Variants in PITPNM2 observed in about 807,000 individuals in gnomAD.
PITPNM2 encodes the protein membrane-associated phosphatidylinositol transfer protein 2.
In PITPNM2, 35 loss-of-function variants were observed where a neutral mutation model predicts 132.2. The ratio of observed to expected loss-of-function variants is 0.26; its 90% CI spans 0.20 to 0.35. The LOEUF (loss-of-function observed/expected upper bound fraction) is 0.35, where lower values mean the gene tolerates loss of function less well. PITPNM2 is among the 10% of genes least tolerant of loss of function. The pLI is 1.00. For synonymous variants in PITPNM2, 738 were observed against 799.2 expected (o/e 0.92, Z 1.29); for missense variants, 1,332 against 1,912.0 (o/e 0.70, Z 5.66).
At position 123,135,446 on chromosome 12, in the gene PITPNM2, G is replaced by T. The variant is rs576855484; in HGVS notation, c.-200+15307C>A. 6.6e-5 allele frequency among the ~76,000 whole-genome samples: 10 copies of T among 152,002 alleles called. No homozygotes were observed. The East Asian group carries it at 1.9e-3, about 29-fold the overall frequency. ...TATTGTTGACTATAAGTACAATGTT[G>T]TATAGCAGATCTCTAGAGCTTATTC... On this transcript the variant is annotated intron_variant, in intron 1 of 25. Transcript: ENST00000320201.
chr12:122,995,791 C>G, intron 13 of PITPNM2, 131 bp from the exon 14 acceptor site: 6 of 1,269,250 alleles, frequency 4.7e-6, no homozygotes, highest in Non-Finnish European at 6.3e-6. Context: ...TCTTGCCAAA[C>G]CAGAGGGGAG....
Position 122,990,598 on chromosome 12 carries a change from G to C in PITPNM2, c.2516C>G (p.Ala839Gly). Reference sequence around the variant, plus strand: ...CTCAGCCATGCCTGACACCTGGCTGGCGATGCTGATCTCACTGGCTCGGCG... The same window carrying C: ...CTCAGCCATGCCTGACACCTGGCTGCCGATGCTGATCTCACTGGCTCGGCG... ...GFRRASEISI[A>G]SQVSGMAESY... The change falls in exon 17 of 26, where the codon GCC becomes GGC. Residue 839 changes from alanine (A) to glycine (G), a missense_variant. Ala to Gly is a moderately conservative substitution (Grantham distance 60). Transcript: ENST00000320201. The C allele has an allele frequency of 6.2e-7, 1 of 1,612,800 alleles. No homozygotes were observed. Among genetic ancestry groups the C allele is most frequent in the African/African-American group, 1.3e-5 (1 of 75,056 alleles).
At position 123,078,068 on chromosome 12, in the gene PITPNM2, G is replaced by C. The variant is rs1179198583; in HGVS notation, c.-96+32317C>G. Among the ~76,000 whole-genome samples the C allele has an allele frequency of 6.6e-6, 1 of 150,998 alleles. No homozygotes were observed. Among genetic ancestry groups the C allele is most frequent in the Non-Finnish European group, 1.5e-5 (1 of 67,738 alleles). ...ACTGGGCAGGGATGCCGGAGGAAGG[G>C]AGAAAGGCAGGCCGGAGAGGAAGGG... On this transcript the variant is annotated intron_variant, in intron 2 of 25. Transcript: ENST00000320201. The surrounding 1 kb of genome is among the most constrained non-coding windows in gnomAD (Gnocchi z 7.3).
intron 18 of PITPNM2, 75 bp downstream of exon 18, chr12:122,989,712 T>A (rs2038101565): frequency 7.7e-7 from 1 of 1,295,602 alleles, no homozygotes; most frequent in Non-Finnish European, 1.0e-6. Flanking sequence ...GGGGTCTAGG[T>A]GGGCAGAGCC....
chr12:123,100,670 C>T (rs1205502759), intron 2 of PITPNM2, among the ~76,000 whole-genome samples: 1 of 151,888 alleles, frequency 6.6e-6, no homozygotes, highest in Non-Finnish European at 1.5e-5. Flanking sequence ...TGGTACAGCA[C>T]GGATGAACCA....
At chr12:123,143,674 T>C (rs2043553168) in intron 1 of PITPNM2, among the ~76,000 whole-genome samples, 1 of 152,170 alleles carries the variant, frequency 6.6e-6, no homozygotes, top group Admixed American at 6.5e-5. Flanking sequence ...GCCAAGTCTA[T>C]TGCAGGGCTG....
At chr12:123,060,362 G>T (rs559947541) in intron 2 of PITPNM2, among the ~76,000 whole-genome samples, 1 of 152,182 alleles carries the variant, frequency 6.6e-6, no homozygotes, top group East Asian at 1.9e-4. Context: ...CCATCACCTG[G>T]GTCTCCACCT....
At chr12:123,034,450 T>G (rs912473693) in intron 3 of PITPNM2, 63 bp downstream of exon 3, 2 of 1,467,326 alleles carry the variant, frequency 1.4e-6, no homozygotes, top group Non-Finnish European at 1.9e-6. Flanking sequence ...AACCCACATG[T>G]GGTGTCTGTG....
At chr12:123,138,126 G>A (rs2043422740) in intron 1 of PITPNM2, among the ~76,000 whole-genome samples, 1 of 152,080 alleles carries the variant, frequency 6.6e-6, no homozygotes. Flanking sequence ...TGTGGTGTAT[G>A]CCTACAATGA....
chr12:123,043,725 A>G (rs142455743), intron 2 of PITPNM2, among the ~76,000 whole-genome samples: 102 of 152,300 alleles, frequency 6.7e-4, no homozygotes, highest in African/African-American at 2.3e-3. Context: ...CTCAACCCAA[A>G]CAACAGACCC....
chr12:123,003,788 C>T (rs1391724482), intron 8 of PITPNM2, among the ~76,000 whole-genome samples: 1 of 152,226 alleles, frequency 6.6e-6, no homozygotes, highest in African/African-American at 2.4e-5. Context: ...GCCCCCAACC[C>T]CTACACCTGC....
At position 122,990,722 on chromosome 12, in the gene PITPNM2, A is replaced by AGGGACCAGAGCAT. The variant is rs536112436; in HGVS notation, c.2405-14_2405-13insATGCTCTGGTCCC. ...TGGAGCACATCCGCTGCAGGTGGAC[A>AGGGACCAGAGCAT]GGGACCAGAGGCCAGGTAAGAGAGG... On this transcript the variant is annotated splice_polypyrimidine_tract_variant and intron_variant, in intron 16 of 25. Coordinates refer to ENST00000320201, the MANE Select transcript of PITPNM2 (RefSeq NM_020845.3). 4.5e-3 allele frequency: 7,107 copies of AGGGACCAGAGCAT among 1,591,404 alleles called. 27 individuals are homozygous for AGGGACCAGAGCAT. The highest frequency in any genetic ancestry group is 4.9e-3 in the Non-Finnish European group (5,732 of 1,169,258).
At chr12:123,085,478 A>T (rs559517141) in intron 2 of PITPNM2, among the ~76,000 whole-genome samples, 2 of 152,208 alleles carry the variant, frequency 1.3e-5, no homozygotes, top group Non-Finnish European at 2.9e-5. Context: ...ATCCATAGAG[A>T]CAAAGAGTAC....
At chr12:123,127,845 G>A (rs1017564756) in intron 1 of PITPNM2, among the ~76,000 whole-genome samples, 11 of 151,964 alleles carry the variant, frequency 7.2e-5, no homozygotes, top group Non-Finnish European at 1.2e-4. Context: ...TCCTGACCTC[G>A]TGATCCGCCC....
rs1197752532 is a variant in PITPNM2, at chr12:122,984,465, C to T, written c.*1562G>A. ...AATAATCGTTGCTTTATACATAATG[C>T]CTGAAACAACAAAAAGCTACATCTT... On this transcript the variant is annotated 3_prime_UTR_variant, in exon 26 of 26. Transcript: ENST00000320201. 6.6e-6 allele frequency: 1 copy of T among 152,554 alleles called. No individual in the cohort carries two copies. Among genetic ancestry groups the T allele is most frequent in the Non-Finnish European group, 1.5e-5 (1 of 68,042 alleles). 9.5% of individuals were successfully genotyped at this position (152,554 alleles called of 1,614,324 possible).
At chr12:123,102,867 C>T (rs181073760) in intron 2 of PITPNM2, among the ~76,000 whole-genome samples, 2 of 152,350 alleles carry the variant, frequency 1.3e-5, no homozygotes, top group African/African-American at 4.8e-5. Context: ...ACCTGTAGGG[C>T]TGTCAGATCT....
rs1364454772 is a variant in PITPNM2 at position 123,022,347 on chromosome 12, CG to C, written c.79-8306del. On this transcript the variant is annotated intron_variant, in intron 3 of 25. Transcript: ENST00000320201. The surrounding 1 kb of genome is among the most constrained non-coding windows in gnomAD (Gnocchi z 4.9). ...CATAGCTATAGGCACCAAGACCGCTCGGAAGACCCACAGAGCATCAGACACC... is the reference window on the plus strand; with the variant it reads ...CATAGCTATAGGCACCAAGACCGCTCGAAGACCCACAGAGCATCAGACACC... Among the ~76,000 whole-genome samples the C allele has an allele frequency of 1.3e-5, 2 of 152,106 alleles. No individual in the cohort carries two copies. Among genetic ancestry groups the C allele is most frequent in the Non-Finnish European group, 2.9e-5 (2 of 68,028 alleles).
chr12:123,104,592 C>T (rs985105105), intron 2 of PITPNM2, among the ~76,000 whole-genome samples: 11 of 152,018 alleles, frequency 7.2e-5, no homozygotes, highest in African/African-American at 2.7e-4. Context: ...CCACTGAGCA[C>T]CTTGCGACCC....
intron 3 of PITPNM2, among the ~76,000 whole-genome samples, chr12:123,019,873 G>C (rs2039599397): frequency 6.6e-6 from 1 of 152,124 alleles, no homozygotes; most frequent in African/African-American, 2.4e-5. Context: ...AGGGGGGTCA[G>C]GGAAAGTGAC....
Sources: allele counts gnomAD v4.1 joint callset (sites outside exome capture counted in the v4.1 genomes callset), GRCh38; gene constraint gnomAD v4.1.1; non-coding constraint Gnocchi (gnomAD v3.1); transcripts MANE v1.5; gene names NCBI Gene and HGNC (gene_info 2026-07-23, HGNC 2026-07-21).